The following ATP11A variants were observed in gnomAD, a reference collection of about 807,000 sequenced individuals.
ATP11A encodes phospholipid-transporting ATPase IH.
A neutral mutation model predicts 154.4 loss-of-function variants in ATP11A; 81 were observed. The ratio of observed to expected loss-of-function variants is 0.52; its 90% CI spans 0.44 to 0.63. The LOEUF (loss-of-function observed/expected upper bound fraction) is 0.63, where lower values mean the gene tolerates loss of function less well. Among genes scored for constraint, ATP11A ranks in the 30% least tolerant of loss-of-function variants. The pLI is 0.00. For missense variants in ATP11A, 1,316 were observed against 1,474.3 expected (o/e 0.89, Z 1.76); for synonymous variants, 623 against 585.9 (o/e 1.06, Z -0.91).
chr13:112,823,782 A>G (rs2078861415), intron 9 of ATP11A, among the ~76,000 whole-genome samples: 1 of 152,230 alleles, frequency 6.6e-6, no homozygotes, highest in African/African-American at 2.4e-5. Context: ...TTAGAAGTAT[A>G]CAAGTGTGCC....
chr13:112,842,075 T>C (rs1362812534), intron 16 of ATP11A, among the ~76,000 whole-genome samples: 1 of 152,258 alleles, frequency 6.6e-6, no homozygotes, highest in African/African-American at 2.4e-5. Flanking sequence ...TTCTAGGGTG[T>C]AGGAATAAAA....
chr13:112,756,849 G>A (rs28516861), intron 1 of ATP11A, among the ~76,000 whole-genome samples: 7 of 150,322 alleles, frequency 4.7e-5, no homozygotes, highest in South Asian at 2.1e-4. Flanking sequence ...TGCTCCCAGC[G>A]CGGGGTCTGC....
chr13:112,724,268 C>G (rs1223418459), intron 1 of ATP11A, among the ~76,000 whole-genome samples: 5 of 151,704 alleles, frequency 3.3e-5, no homozygotes, highest in African/African-American at 1.2e-4. Flanking sequence ...CTCTGTCCCC[C>G]AAGACGGCCT....
chr13:112,740,283 T>C (rs1414618475), intron 1 of ATP11A, among the ~76,000 whole-genome samples: 2 of 152,070 alleles, frequency 1.3e-5, no homozygotes, highest in Non-Finnish European at 2.9e-5. Flanking sequence ...TTCAAGTGAT[T>C]CTCCTGCCTC....
intron 1 of ATP11A, among the ~76,000 whole-genome samples, chr13:112,693,809 G>A (rs1399711169): frequency 6.6e-6 from 1 of 152,092 alleles, no homozygotes; most frequent in African/African-American, 2.4e-5. Context: ...AAAATTAGCC[G>A]GGCATGGTGG....
rs1402715187 is a variant in ATP11A, at chr13:112,827,454, G to A, written c.1221+563G>A. Among the ~76,000 whole-genome samples the A allele has an allele frequency of 3.3e-5, 5 of 152,218 alleles. No individual in the cohort carries two copies. In the East Asian group the frequency reaches 9.6e-4, roughly 29 times the overall value. On this transcript the variant is annotated intron_variant, in intron 12 of 29. Transcript: ENST00000375645. ...AGATTAAATGAGATAATGGACACAAGGTGCACAGCACAGAGTCTGGTGTGA... is the reference window on the plus strand; with the variant it reads ...AGATTAAATGAGATAATGGACACAAAGTGCACAGCACAGAGTCTGGTGTGA...
At chr13:112,880,642 C>T (rs2080857313) in intron 29 of ATP11A, 2 of 1,294,760 alleles carry the variant, frequency 1.5e-6, no homozygotes, top group African/African-American at 1.5e-5. Flanking sequence ...CAGTTAGCTC[C>T]ACGCTAGGTA....
chr13:112,835,517 G>C (rs1295552553), intron 15 of ATP11A, among the ~76,000 whole-genome samples: 1 of 152,198 alleles, frequency 6.6e-6, no homozygotes, highest in Non-Finnish European at 1.5e-5. Context: ...TGAGGCTCCG[G>C]GTTTGCAGCC....
At chr13:112,870,201 G>A (rs948823019) in intron 25 of ATP11A, among the ~76,000 whole-genome samples, 2 of 152,162 alleles carry the variant, frequency 1.3e-5, no homozygotes, top group African/African-American at 4.8e-5. Context: ...CCTAAGAAGC[G>A]GTGTTCACTA....
chr13:112,745,300 G>A (rs190262555), intron 1 of ATP11A: 1 of 152,352 alleles, frequency 6.6e-6, no homozygotes, highest in African/African-American at 2.4e-5. Context: ...CCTGACCTCA[G>A]GTGATTCACC....
At chr13:112,879,315 C>A (rs144257187) in intron 29 of ATP11A, among the ~76,000 whole-genome samples, 1 of 152,224 alleles carries the variant, frequency 6.6e-6, no homozygotes, top group Non-Finnish European at 1.5e-5. Context: ...TTTTTTAAGT[C>A]CAAGCAATTA....
chr13:112,753,538 C>G lies in ATP11A; in HGVS notation c.40-31597C>G, dbSNP rs2076747483. ...CCTGTTGTGGTTTTATCTTGTACTT[C>G]TCCTGCTAACAGGCAGGTTGAGAAT... On this transcript the variant is annotated intron_variant, in intron 1 of 29. Transcript: ENST00000375645. This position sits in a 1 kb window ranked among gnomAD's most constrained non-coding sequence, Gnocchi z 4.1. Among the ~76,000 whole-genome samples the G allele has an allele frequency of 6.6e-6, 1 of 152,220 alleles. No homozygotes were observed. The highest frequency in any genetic ancestry group is 2.1e-4 in the South Asian group (1 of 4,832).
chr13:112,752,037 C>A (rs1170245064), intron 1 of ATP11A, among the ~76,000 whole-genome samples: 1 of 152,190 alleles, frequency 6.6e-6, no homozygotes, highest in Non-Finnish European at 1.5e-5. Context: ...TTTTAAGGGA[C>A]CCCTTCCCCC....
At position 112,810,607 on chromosome 13, in the gene ATP11A, T is replaced by A. The variant is rs1025757066; in HGVS notation, c.334-12T>A. 1 of 1,610,318 alleles carries A rather than the reference T, an allele frequency of 6.2e-7. No individual in the cohort carries two copies. Among genetic ancestry groups the A allele is most frequent in the Non-Finnish European group, 8.5e-7 (1 of 1,176,976 alleles). ...CTGCTTCCTCTCTCCCTTCTTTCCTTCCTTTTTTTAGGGTTATGAAGACTG... is the reference window on the plus strand; with the variant it reads ...CTGCTTCCTCTCTCCCTTCTTTCCTACCTTTTTTTAGGGTTATGAAGACTG... On this transcript the variant is annotated splice_polypyrimidine_tract_variant and intron_variant, in intron 4 of 29. Transcript: ENST00000375645.
chr13:112,701,697 G>T (rs941063144), intron 1 of ATP11A, among the ~76,000 whole-genome samples: 41 of 152,158 alleles, frequency 2.7e-4, no homozygotes, highest in African/African-American at 9.4e-4. Flanking sequence ...GCTGGGCGTG[G>T]TGGCGGGCGC....
In ATP11A at chr13:112,712,380, A is replaced by G. The variant is rs532395640; in HGVS notation, c.39+21925A>G. Among the ~76,000 whole-genome samples, 6 of 152,280 alleles carry G rather than the reference A, an allele frequency of 3.9e-5. No individual in the cohort carries two copies. In the South Asian group the frequency reaches 1.2e-3, roughly 32 times the overall value. On this transcript the variant is annotated intron_variant, in intron 1 of 29. Transcript: ENST00000375645. ...AGCAGCCTTGGAGCTAGGTGGTGTC[A>G]TTTAAATGGCCCTCAAAGCCCTACC...
At position 112,753,252 on chromosome 13, in the gene ATP11A, A is replaced by G. The variant is rs1321861971; in HGVS notation, c.40-31883A>G. The stretch of plus-strand genomic sequence containing the variant: ...CCTCCCCCGCCCCTGGCCGCCCCAC[A>G]TCATGGACAGCTGGGCTCCAATCTT... On this transcript the variant is annotated intron_variant, in intron 1 of 29. Transcript: ENST00000375645. This position sits in a 1 kb window ranked among gnomAD's most constrained non-coding sequence, Gnocchi z 4.1. 6.6e-6 allele frequency among the ~76,000 whole-genome samples: 1 copy of G among 152,092 alleles called. No homozygotes were observed. Among genetic ancestry groups the G allele is most frequent in the Admixed American group, 6.5e-5 (1 of 15,270 alleles).
intron 2 of ATP11A, among the ~76,000 whole-genome samples, chr13:112,793,339 C>A (rs891065876): frequency 6.6e-6 from 1 of 152,198 alleles, no homozygotes; most frequent in Non-Finnish European, 1.5e-5. Flanking sequence ...GTAGCTGGAA[C>A]TACAGGTGCC....
intron 1 of ATP11A, among the ~76,000 whole-genome samples, chr13:112,736,543 T>G (rs1187653297): frequency 6.6e-6 from 1 of 152,158 alleles, no homozygotes; most frequent in Non-Finnish European, 1.5e-5. Context: ...ACCAGGCAGG[T>G]GAAAGAGAAG....
Sources: allele counts gnomAD v4.1 joint callset (sites outside exome capture counted in the v4.1 genomes callset), GRCh38; gene constraint gnomAD v4.1.1; non-coding constraint Gnocchi (gnomAD v3.1); transcripts MANE v1.5; gene names NCBI Gene and HGNC (gene_info 2026-07-23, HGNC 2026-07-21).